The following LHFPL6 variants were observed in gnomAD, a reference collection of about 807,000 sequenced individuals.
LHFPL6 encodes LHFPL tetraspan subfamily member 6 protein.
In LHFPL6, 9 loss-of-function variants were observed where a neutral mutation model predicts 20.6. That is an observed-to-expected ratio of 0.44 (90% CI 0.26 to 0.76). The LOEUF is 0.76. Ranked by LOEUF, LHFPL6 falls within the 30% of genes least tolerant of loss-of-function variation. The pLI is 0.20. For missense variants in LHFPL6, 218 were observed against 253.5 expected (o/e 0.86, Z 0.95); for synonymous variants, 105 against 98.7 (o/e 1.06, Z -0.38).
At chr13:39,406,976 C>T (rs568312680) in intron 2 of LHFPL6, among the ~76,000 whole-genome samples, 1 of 152,236 alleles carries the variant, frequency 6.6e-6, no homozygotes. Context: ...CCAAAGAAAC[C>T]CTGTTTGACA....
At chr13:39,579,598 A>G (rs1021376888) in intron 2 of LHFPL6, among the ~76,000 whole-genome samples, 1 of 152,164 alleles carries the variant, frequency 6.6e-6, no homozygotes, top group Non-Finnish European at 1.5e-5. Context: ...TTCTAATAAT[A>G]TACTTGTTAC....
intron 2 of LHFPL6, among the ~76,000 whole-genome samples, chr13:39,558,965 T>G (rs1285974850): frequency 6.6e-6 from 1 of 152,230 alleles, no homozygotes; most frequent in Non-Finnish European, 1.5e-5. Flanking sequence ...GCCTTTGGTC[T>G]TGGCCCATTC....
intron 2 of LHFPL6, among the ~76,000 whole-genome samples, chr13:39,586,922 C>T (rs1395868657): frequency 2.0e-5 from 3 of 152,010 alleles, no homozygotes; most frequent in African/African-American, 4.8e-5. Flanking sequence ...TTTGGGAGGC[C>T]GAGGTGGGTA....
At chr13:39,453,719 G>A (rs1872505473) in intron 2 of LHFPL6, among the ~76,000 whole-genome samples, 1 of 152,106 alleles carries the variant, frequency 6.6e-6, no homozygotes, top group African/African-American at 2.4e-5. Flanking sequence ...GCCTTCCCTG[G>A]GCAGGTAGTC....
chr13:39,360,220 T>C (rs1360120972), intron 3 of LHFPL6, among the ~76,000 whole-genome samples: 1 of 96,658 alleles, frequency 1.0e-5, no homozygotes, highest in Non-Finnish European at 2.4e-5. Context: ...AGAGTTTCAC[T>C]GTGTTAGCCA....
intron 2 of LHFPL6, among the ~76,000 whole-genome samples, chr13:39,469,678 T>C (rs983575618): frequency 6.6e-6 from 1 of 152,248 alleles, no homozygotes; most frequent in Non-Finnish European, 1.5e-5. Flanking sequence ...AAACTTGTAG[T>C]AGATGTTTGT....
chr13:39,501,460 A>T (rs972207087), intron 2 of LHFPL6, among the ~76,000 whole-genome samples: 1 of 152,146 alleles, frequency 6.6e-6, no homozygotes, highest in Non-Finnish European at 1.5e-5. Flanking sequence ...ATGTTTAGAG[A>T]GTCTGTGCTT....
At chr13:39,540,101 A>G (rs895829914) in intron 2 of LHFPL6, among the ~76,000 whole-genome samples, 1 of 152,192 alleles carries the variant, frequency 6.6e-6, no homozygotes, top group Non-Finnish European at 1.5e-5. Context: ...AAGATAGCCT[A>G]TAAATTCTTT....
chr13:39,568,753 T>G (rs147552632), intron 2 of LHFPL6, among the ~76,000 whole-genome samples: 94 of 152,314 alleles, frequency 6.2e-4, no homozygotes, highest in African/African-American at 2.2e-3. Context: ...TCCTCTAATG[T>G]TCACACTGTC....
intron 2 of LHFPL6, among the ~76,000 whole-genome samples, chr13:39,510,937 A>G (rs1455555305): frequency 1.3e-5 from 2 of 151,404 alleles, no homozygotes; most frequent in African/African-American, 4.9e-5. Flanking sequence ...CAGTGGCACC[A>G]TCTCAGCTCA....
intron 2 of LHFPL6, among the ~76,000 whole-genome samples, chr13:39,406,124 A>G (rs570817296): frequency 2.0e-5 from 3 of 152,292 alleles, no homozygotes; most frequent in African/African-American, 7.2e-5. Flanking sequence ...TGTGCCACAG[A>G]AAGTGGCTGA....
rs74044040 is a variant in LHFPL6 at position 39,365,380 on chromosome 13, G to A, written c.484+13048C>T. Among the ~76,000 whole-genome samples the A allele has an allele frequency of 3.9e-3, 597 of 152,244 alleles. 3 individuals carry two copies. Among genetic ancestry groups the A allele is most frequent in the African/African-American group, 0.013 (547 of 41,538 alleles). Reference sequence around the variant, plus strand: ...GTTACATACCTAGAGAACCGGAACGGAACTGCAGCAAGCACTGCTTTGATG... The same window carrying A: ...GTTACATACCTAGAGAACCGGAACGAAACTGCAGCAAGCACTGCTTTGATG... On this transcript the variant is annotated intron_variant, in intron 3 of 3. Coordinates refer to ENST00000379589, the MANE Select transcript of LHFPL6 (RefSeq NM_005780.3).
At chr13:39,384,107 A>G (rs1490946713) in intron 2 of LHFPL6, among the ~76,000 whole-genome samples, 1 of 152,164 alleles carries the variant, frequency 6.6e-6, no homozygotes, top group East Asian at 1.9e-4. Context: ...GTACATGCCC[A>G]CTCACAAAAG....
chr13:39,482,165 C>T (rs571287381), intron 2 of LHFPL6, among the ~76,000 whole-genome samples: 2 of 152,216 alleles, frequency 1.3e-5, no homozygotes, highest in Admixed American at 6.5e-5. Context: ...AAATAGCCAC[C>T]GGGCACAGTG....
At chr13:39,498,631 C>G (rs745325573) in intron 2 of LHFPL6, among the ~76,000 whole-genome samples, 6 of 152,162 alleles carry the variant, frequency 3.9e-5, no homozygotes, top group Non-Finnish European at 8.8e-5. Context: ...AAGCGTAAAG[C>G]TACATTAGGA....
rs1593380700 is a variant in LHFPL6, at chr13:39,600,859, C to T, written c.358G>A (p.Val120Met). 6.7e-7 allele frequency: 1 copy of T among 1,501,152 alleles called. No individual in the cohort carries two copies. Among genetic ancestry groups the T allele is most frequent in the Non-Finnish European group, 8.9e-7 (1 of 1,121,884 alleles). 93.0% of individuals were successfully genotyped at this position (1,501,152 alleles called of 1,614,324 possible). ...SDLISRTVGR[V>M]AGGIQFLGGL... is the part of the protein sequence containing the mutation. Reference sequence around the variant, plus strand: ...CCAAGAAACTGAATTCCTCCAGCCACTCTTCCCACTGTCCTGGAGATGAGG... The same window carrying T: ...CCAAGAAACTGAATTCCTCCAGCCATTCTTCCCACTGTCCTGGAGATGAGG... The change falls in exon 2 of 4, where the codon GTG (valine) becomes ATG (methionine). Residue 120 changes from valine to methionine, a missense_variant. By Grantham distance (21) the Val-to-Met change is conservative. Transcript: ENST00000379589.
rs1181107390 is a variant in LHFPL6, at chr13:39,603,102, A to C, written c.-394T>G. 6.6e-6 allele frequency: 1 copy of C among 152,030 alleles called. No homozygotes were observed. The highest frequency in any genetic ancestry group is 2.4e-5 in the African/African-American group (1 of 41,360). The allele number at this position is 152,030 out of a possible 1,614,324, so 9.4% of individuals were successfully genotyped here. On this transcript the variant is annotated 5_prime_UTR_variant, in exon 1 of 4. Transcript: ENST00000379589. ...CGGGCTGGCACCAGCGGAGACCCCC[A>C]CTCCCGGCGAGTCCGCGGCGGCAGC...
chr13:39,562,495 T>TAA (rs1871542179), intron 2 of LHFPL6, among the ~76,000 whole-genome samples: 1 of 107,216 alleles, frequency 9.3e-6, no homozygotes, highest in Admixed American at 9.5e-5. Flanking sequence ...TATACACATA[T>TAA]ACATATATAC....
chr13:39,380,071 A>C (rs923585115), intron 2 of LHFPL6, among the ~76,000 whole-genome samples: 25 of 152,244 alleles, frequency 1.6e-4, no homozygotes, highest in African/African-American at 5.5e-4. Context: ...ACAGCATTCT[A>C]AAGACAACTC....
Sources: allele counts gnomAD v4.1 joint callset (sites outside exome capture counted in the v4.1 genomes callset), GRCh38; gene constraint gnomAD v4.1.1; transcripts MANE v1.5; gene names NCBI Gene and HGNC (gene_info 2026-07-23, HGNC 2026-07-21).